The following CRYBG3 variants were observed in gnomAD, a reference collection of about 807,000 sequenced individuals.
CRYBG3 encodes the protein crystallin beta-gamma domain containing 3, also known as very large A-kinase anchor protein.
In CRYBG3, 127 loss-of-function variants were observed where a neutral mutation model predicts 244.2. That is an observed-to-expected ratio of 0.52 (90% confidence interval 0.45 to 0.60). The LOEUF is 0.60. CRYBG3 is among the 20% of genes least tolerant of loss of function. The pLI, the probability that CRYBG3 is intolerant of heterozygous loss-of-function variation, is 0.00. For missense variants in CRYBG3, 3,325 were observed against 3,442.5 expected (o/e 0.97, Z 0.85); for synonymous variants, 1,132 against 1,195.8 (o/e 0.95, Z 1.10).
intron 2 of CRYBG3, among the ~76,000 whole-genome samples, chr3:97,854,319 CTTTGGCTATGT>C (rs1270944408): frequency 6.6e-6 from 1 of 151,852 alleles, no homozygotes. Flanking sequence ...TTTGGCTATG[CTTTGGCTATGT>C]GGGCTCTTTT....
In CRYBG3 at chr3:97,876,009, T is replaced by A. The variant is rs541685503; in HGVS notation, c.4815T>A (p.Cys1605Ter). 1 of 1,232,002 alleles carries A rather than the reference T, an allele frequency of 8.1e-7. No individual in the cohort carries two copies. The highest frequency in any genetic ancestry group is 1.0e-6 in the Non-Finnish European group (1 of 987,926). The allele number at this position is 1,232,002 out of a possible 1,614,324, so 76.3% of individuals were successfully genotyped here. ...GEVYQMDAES[C>*]IEKTEGSAVI... ...TATACCAAATGGATGCCGAGAGCTG[T>A]ATTGAAAAAACTGAGGGATCAGCTG... Residue 1605 changes from cysteine to a stop codon, truncating the protein, a stop_gained, in exon 4 of 22, where the codon TGT (cysteine) becomes TGA (stop). Transcript: ENST00000389622. LOFTEE classifies it high-confidence loss of function.
chr3:97,934,941 ACACT>A (rs1369623736), intron 18 of CRYBG3, among the ~76,000 whole-genome samples: 1 of 151,998 alleles, frequency 6.6e-6, no homozygotes, highest in Non-Finnish European at 1.5e-5. Context: ...TTTTTCTGGA[ACACT>A]GGTGCCATTT....
intron 1 of CRYBG3, among the ~76,000 whole-genome samples, chr3:97,831,426 T>A (rs1369839595): frequency 1.3e-5 from 2 of 152,182 alleles, no homozygotes; most frequent in South Asian, 2.1e-4. Context: ...AACTTCATTC[T>A]GTGCTTTGGG....
At chr3:97,843,879 C>T (rs2038858719) in intron 2 of CRYBG3, among the ~76,000 whole-genome samples, 1 of 151,946 alleles carries the variant, frequency 6.6e-6, no homozygotes, top group African/African-American at 2.4e-5. Flanking sequence ...TTGATGTTTC[C>T]AGTTTCTAGG....
chr3:97,869,101 AT>A (rs577814917), intron 3 of CRYBG3, among the ~76,000 whole-genome samples: 1 of 151,660 alleles, frequency 6.6e-6, no homozygotes, highest in South Asian at 2.1e-4. Flanking sequence ...ATATTTTGAT[AT>A]GGCGTTTTAC....
chr3:97,924,882 G>C (rs1280100598), intron 17 of CRYBG3, among the ~76,000 whole-genome samples: 1 of 152,080 alleles, frequency 6.6e-6, no homozygotes, highest in Non-Finnish European at 1.5e-5. Context: ...TAAGAATTAG[G>C]ATGTGAACAT....
chr3:97,883,571 G>A (rs534258842), intron 7 of CRYBG3, among the ~76,000 whole-genome samples: 121 of 152,198 alleles, frequency 8.0e-4, no homozygotes, highest in African/African-American at 2.8e-3. Flanking sequence ...TCCACCATTT[G>A]CTTAGAATAT....
intron 1 of CRYBG3, among the ~76,000 whole-genome samples, chr3:97,828,361 G>C (rs2038605799): frequency 6.6e-6 from 1 of 152,082 alleles, no homozygotes; most frequent in Non-Finnish European, 1.5e-5. Context: ...AGTCATTGCA[G>C]CATTGTTTTA....
chr3:97,858,934 CT>C (rs2039106166), intron 2 of CRYBG3, among the ~76,000 whole-genome samples: 2 of 151,750 alleles, frequency 1.3e-5, no homozygotes, highest in Admixed American at 1.3e-4. Context: ...GAATAAGTAC[CT>C]TCTTCAATTT....
intron 2 of CRYBG3, among the ~76,000 whole-genome samples, chr3:97,851,131 CAAAAAAA>C (rs11393717): frequency 1.1e-5 from 1 of 94,200 alleles, no homozygotes; most frequent in Non-Finnish European, 2.4e-5. Flanking sequence ...AGACTGTCTC[CAAAAAAA>C]AAAAAAAAAA....
At chr3:97,923,756 C>A (rs1489359917) in intron 17 of CRYBG3, among the ~76,000 whole-genome samples, 3 of 151,934 alleles carry the variant, frequency 2.0e-5, no homozygotes, top group Non-Finnish European at 2.9e-5. Flanking sequence ...AAATCTAACA[C>A]AAGGGAATAA....
At chr3:97,897,656 G>T (rs2039654764) in intron 12 of CRYBG3, among the ~76,000 whole-genome samples, 1 of 152,066 alleles carries the variant, frequency 6.6e-6, no homozygotes, top group South Asian at 2.1e-4. Context: ...AACAGATGAA[G>T]TAAAAGGCTT....
rs1307513866 is a variant in CRYBG3 at position 97,822,278 on chromosome 3, T to C, written c.72T>C (p.Pro24=). ...SFSRFFAPRS[P]SRDKEEEEEE... ...CCCGGTTCTTCGCTCCCCGAAGTCC[T>C]TCCCGGGACAAGGAAGAGGAAGAGG... Residue 24 remains proline (P), a synonymous_variant, in exon 1 of 22, where the codon CCT becomes CCC. Transcript: ENST00000389622. The C allele has an allele frequency of 2.0e-6, 3 of 1,530,996 alleles. No individual in the cohort carries two copies. Among genetic ancestry groups the C allele is most frequent in the African/African-American group, 1.4e-5 (1 of 72,670 alleles). 94.8% of individuals were successfully genotyped at this position (1,530,996 alleles called of 1,614,324 possible). A position where few individuals can be genotyped will look rare whatever the true frequency, so the allele number is the denominator to read the frequency against.
intron 7 of CRYBG3, among the ~76,000 whole-genome samples, chr3:97,883,322 A>T (rs2039471749): frequency 6.6e-6 from 1 of 152,220 alleles, no homozygotes; most frequent in Non-Finnish European, 1.5e-5. Flanking sequence ...CTATTAACTC[A>T]ACTAGAAATT....
chr3:97,843,424 GGGA>G (rs1488983050), intron 2 of CRYBG3, among the ~76,000 whole-genome samples, 163 bp downstream of exon 2: 1 of 152,144 alleles, frequency 6.6e-6, no homozygotes, highest in African/African-American at 2.4e-5. Context: ...ATCAGGAGGT[GGGA>G]CGGGAGTCTG....
rs1011151807 is a variant in CRYBG3, at chr3:97,872,838, A to G, written c.1644A>G (p.Pro548=). ...TAGCTTCAAGTCATGTAAAAGCTCC[A>G]GAAGATAAAATTGAGTCATTACCCA... The part of the protein sequence containing the change: ...ESIASSHVKA[P]EDKIESLPKD... The change falls in exon 4 of 22, where the codon CCA becomes CCG. Residue 548 remains proline, a synonymous_variant. Transcript: ENST00000389622. 1 of 1,535,890 alleles carries G rather than the reference A, an allele frequency of 6.5e-7. No individual in the cohort carries two copies. The highest frequency in any genetic ancestry group is 1.4e-5 in the African/African-American group (1 of 73,054).
chr3:97,868,469 C>A (rs550079810), intron 3 of CRYBG3, among the ~76,000 whole-genome samples: 115 of 152,140 alleles, frequency 7.6e-4, no homozygotes, highest in African/African-American at 2.7e-3. Context: ...GAACTTGTCA[C>A]TTTGATTTCC....
At chr3:97,937,644 T>C (rs1200694285) in intron 19 of CRYBG3, among the ~76,000 whole-genome samples, 1 of 152,068 alleles carries the variant, frequency 6.6e-6, no homozygotes, top group Non-Finnish European at 1.5e-5. Flanking sequence ...TTTATAACCC[T>C]AGCGTTATGG....
At chr3:97,924,956 T>C (rs2040022553) in intron 17 of CRYBG3, among the ~76,000 whole-genome samples, 1 of 152,028 alleles carries the variant, frequency 6.6e-6, no homozygotes, top group Non-Finnish European at 1.5e-5. Context: ...CCACAGAATA[T>C]ATTTGCAGTC....
Sources: gnomAD v4.1 joint callset for allele counts (sites outside exome capture counted in the v4.1 genomes callset) on GRCh38, gnomAD v4.1.1 for gene constraint, MANE v1.5 for transcripts, NCBI Gene and HGNC (gene_info 2026-07-23, HGNC 2026-07-21) for gene names.